Variants in ERC2 observed in about 807,000 individuals in gnomAD.
ERC2 encodes the protein ERC protein 2.
ERC2 carries 42 observed loss-of-function variants against 114.8 expected under a neutral mutation model. The ratio of observed to expected loss-of-function variants is 0.37; its 90% CI spans 0.29 to 0.47. The LOEUF (loss-of-function observed/expected upper bound fraction) is 0.47. Ranked by LOEUF, ERC2 falls within the 20% of genes least tolerant of loss-of-function variation. The pLI is 0.99. For missense variants in ERC2, 939 were observed against 1,150.7 expected (o/e 0.82, Z 2.66); for synonymous variants, 454 against 425.5 (o/e 1.07, Z -0.82).
intron 14 of ERC2, among the ~76,000 whole-genome samples, chr3:55,884,304 G>T (rs1366955322): frequency 6.6e-6 from 1 of 152,118 alleles, no homozygotes; most frequent in African/African-American, 2.4e-5. Flanking sequence ...GTTCACAGAA[G>T]AAGAGGCACT....
intron 12 of ERC2, among the ~76,000 whole-genome samples, chr3:55,962,065 C>G (rs1173891042): frequency 6.6e-6 from 1 of 152,040 alleles, no homozygotes; most frequent in Non-Finnish European, 1.5e-5. Context: ...CTAACAATGA[C>G]AACCTAGAGT....
intron 6 of ERC2, among the ~76,000 whole-genome samples, chr3:56,081,633 A>G (rs2077237512): frequency 6.6e-6 from 1 of 152,170 alleles, no homozygotes; most frequent in Non-Finnish European, 1.5e-5. Flanking sequence ...AAATTTAAAA[A>G]AAATATAATT....
chr3:56,420,758 G>T (rs541342280), intron 2 of ERC2, among the ~76,000 whole-genome samples: 112 of 151,954 alleles, frequency 7.4e-4, no homozygotes, highest in African/African-American at 2.6e-3. Flanking sequence ...TCTGGGTGTG[G>T]TGGTGGGTGC....
At chr3:55,680,540 T>A (rs1270689372) in intron 17 of ERC2, among the ~76,000 whole-genome samples, 1 of 152,200 alleles carries the variant, frequency 6.6e-6, no homozygotes, top group Non-Finnish European at 1.5e-5. Context: ...TATGGAGAAT[T>A]GAGGAGCTGC....
chr3:56,241,728 T>A (rs1272841278), intron 3 of ERC2, among the ~76,000 whole-genome samples: 1 of 152,088 alleles, frequency 6.6e-6, no homozygotes, highest in Non-Finnish European at 1.5e-5. Flanking sequence ...CATCTCAGAG[T>A]TCCTACAAAT....
At chr3:56,321,687 T>A (rs1414798601) in intron 2 of ERC2, among the ~76,000 whole-genome samples, 1 of 152,260 alleles carries the variant, frequency 6.6e-6, no homozygotes, top group Admixed American at 6.5e-5. Flanking sequence ...GCCTACGTTC[T>A]GTTTTTCTTT....
chr3:56,174,347 G>A (rs2082852445), intron 3 of ERC2, among the ~76,000 whole-genome samples: 1 of 152,216 alleles, frequency 6.6e-6, no homozygotes, highest in Non-Finnish European at 1.5e-5. Context: ...AGGACAATGT[G>A]TGTTCAGATC....
intron 2 of ERC2, among the ~76,000 whole-genome samples, chr3:56,418,107 C>A (rs533654882): frequency 6.6e-5 from 10 of 151,920 alleles, no homozygotes; most frequent in African/African-American, 2.4e-4. Flanking sequence ...GCCAACATAG[C>A]GAGACCCTGT....
At chr3:56,298,512 T>G (rs1449983902) in intron 2 of ERC2, among the ~76,000 whole-genome samples, 3 of 152,112 alleles carry the variant, frequency 2.0e-5, no homozygotes, top group African/African-American at 7.2e-5. Context: ...TATATCAATT[T>G]AATGGAATAT....
At chr3:56,106,165 C>T (rs1023996969) in intron 6 of ERC2, among the ~76,000 whole-genome samples, 1 of 152,102 alleles carries the variant, frequency 6.6e-6, no homozygotes, top group Non-Finnish European at 1.5e-5. Context: ...ATCCCTTTTG[C>T]ACTGGGGGTG....
At chr3:56,236,758 A>T (rs1018491125) in intron 3 of ERC2, among the ~76,000 whole-genome samples, 1 of 152,170 alleles carries the variant, frequency 6.6e-6, no homozygotes, top group African/African-American at 2.4e-5. Flanking sequence ...TAAGTGACAA[A>T]CTATTTCCAA....
chr3:56,461,666 A>T (rs1171650513), intron 1 of ERC2, among the ~76,000 whole-genome samples: 1 of 152,230 alleles, frequency 6.6e-6, no homozygotes, highest in East Asian at 1.9e-4. Flanking sequence ...AAAACATCTG[A>T]ACAGCTATAA....
chr3:55,959,597 C>T (rs189250926), intron 12 of ERC2, among the ~76,000 whole-genome samples: 5 of 152,284 alleles, frequency 3.3e-5, no homozygotes, highest in East Asian at 1.9e-4. Context: ...CTCTTCCTTG[C>T]GAGCAGACCA....
intron 2 of ERC2, among the ~76,000 whole-genome samples, chr3:56,355,426 T>C (rs1337306461): frequency 6.6e-6 from 1 of 151,868 alleles, no homozygotes; most frequent in Non-Finnish European, 1.5e-5. Flanking sequence ...CCAAGTGATC[T>C]TCCCACCTCA....
At chr3:56,423,376 C>T (rs1559482093) in intron 2 of ERC2, among the ~76,000 whole-genome samples, 1 of 152,238 alleles carries the variant, frequency 6.6e-6, no homozygotes, top group Non-Finnish European at 1.5e-5. Flanking sequence ...CTGTCCCGTG[C>T]ACTGTAGCAT....
intron 14 of ERC2, among the ~76,000 whole-genome samples, chr3:55,870,947 C>G (rs2062556992): frequency 6.6e-6 from 1 of 152,190 alleles, no homozygotes; most frequent in Non-Finnish European, 1.5e-5. Flanking sequence ...GAATGCTGCT[C>G]AAGTTCCTGA....
chr3:56,270,945 G>C (rs1305765170), intron 3 of ERC2, among the ~76,000 whole-genome samples: 2 of 152,164 alleles, frequency 1.3e-5, no homozygotes, highest in African/African-American at 2.4e-5. Context: ...TTTCGCCACT[G>C]CACTCCAGCC....
At chr3:55,534,352 C>A (rs916293169) in intron 17 of ERC2, among the ~76,000 whole-genome samples, 5 of 147,082 alleles carry the variant, frequency 3.4e-5, no homozygotes, top group African/African-American at 1.3e-4. Context: ...CTGCTGCAAT[C>A]ATACCAACGT....
At chr3:56,430,116 G>A (rs1173235174) in intron 2 of ERC2, among the ~76,000 whole-genome samples, 1 of 152,156 alleles carries the variant, frequency 6.6e-6, no homozygotes, top group Admixed American at 6.5e-5. Flanking sequence ...ACACAGAACA[G>A]TTCAAATTGT....
Sources: gnomAD v4.1 joint callset for allele counts (sites outside exome capture counted in the v4.1 genomes callset) on GRCh38, gnomAD v4.1.1 for gene constraint, MANE v1.5 for transcripts, NCBI Gene and HGNC (gene_info 2026-07-23, HGNC 2026-07-21) for gene names.